The following DCDC1 variants were observed in gnomAD, a reference collection of about 807,000 sequenced individuals.
The protein encoded by DCDC1 is doublecortin domain-containing protein 1.
A neutral mutation model predicts 178.3 loss-of-function variants in DCDC1; 200 were observed. The observed-to-expected ratio is 1.12, with a 90% CI of 1.00 to 1.26. DCDC1 has a LOEUF of 1.26. Ranked by LOEUF, DCDC1 falls within the 50% of genes most tolerant of loss-of-function variation. DCDC1 has a pLI of 0.00. For synonymous variants in DCDC1, 690 were observed against 604.8 expected, an observed-to-expected ratio of 1.14 and a Z score of -2.07; for missense variants, 1,983 against 1,749.2, an observed-to-expected ratio of 1.13 and a Z score of -2.38.
At position 31,008,723 on chromosome 11, in the gene DCDC1, A is replaced by G. The variant is rs144313379; in HGVS notation, c.2591+55746T>C. On this transcript the variant is annotated intron_variant, in intron 20 of 38. Transcript: ENST00000684477. ...GAAAACTGGGATGCTTGCAAACGGAAAGCAATGAGTTGCACTGCAGCCATC... is the reference window on the plus strand; with the variant it reads ...GAAAACTGGGATGCTTGCAAACGGAGAGCAATGAGTTGCACTGCAGCCATC... 4.0e-3 allele frequency among the ~76,000 whole-genome samples: 603 copies of G among 152,334 alleles called. 1 individual carries two copies. The highest frequency in any genetic ancestry group is 0.014 in the African/African-American group (581 of 41,568).
chr11:31,126,872 A>C (rs371367789), intron 11 of DCDC1, among the ~76,000 whole-genome samples: 1 of 152,212 alleles, frequency 6.6e-6, no homozygotes, highest in East Asian at 1.9e-4. Context: ...GTTGTTCTTT[A>C]TCTCTCTCAA....
chr11:31,308,925 C>T (rs937131203), intron 3 of DCDC1, among the ~76,000 whole-genome samples: 8 of 151,246 alleles, frequency 5.3e-5, no homozygotes, highest in Admixed American at 2.0e-4. Context: ...TAATATAACC[C>T]CCCCAAACAC....
chr11:31,244,112 A>G (rs931090175), intron 8 of DCDC1, among the ~76,000 whole-genome samples: 17 of 151,798 alleles, frequency 1.1e-4, no homozygotes, highest in Admixed American at 9.9e-4. Context: ...TGATGTATAA[A>G]TCAGCCTACG....
chr11:30,891,263 C>T (rs1943747714), intron 36 of DCDC1, among the ~76,000 whole-genome samples: 2 of 152,108 alleles, frequency 1.3e-5, no homozygotes, highest in South Asian at 2.1e-4. Flanking sequence ...AAATAATTTA[C>T]AGCATCTAGA....
chr11:30,873,320 T>G, intron 38 of DCDC1, among the ~76,000 whole-genome samples: 1 of 146,986 alleles, frequency 6.8e-6, no homozygotes, highest in East Asian at 2.0e-4. Context: ...AATGTATAAA[T>G]ATATAAAAAT....
intron 6 of DCDC1, among the ~76,000 whole-genome samples, chr11:31,303,925 G>T (rs1197075681): frequency 1.3e-5 from 2 of 152,110 alleles, no homozygotes; most frequent in African/African-American, 2.4e-5. Flanking sequence ...ATTTTGGTGG[G>T]TTAAGCTTGC....
intron 20 of DCDC1, among the ~76,000 whole-genome samples, chr11:30,995,944 G>A (rs146615125): frequency 2.0e-5 from 3 of 152,152 alleles, no homozygotes; most frequent in South Asian, 4.1e-4. Flanking sequence ...AATTAAAAAC[G>A]TTTGCTCTGT....
intron 20 of DCDC1, among the ~76,000 whole-genome samples, chr11:31,009,666 T>C (rs1301025400): frequency 6.6e-6 from 1 of 152,032 alleles, no homozygotes; most frequent in African/African-American, 2.4e-5. Flanking sequence ...CAAATTCCCC[T>C]CTCCTCTGCT....
In DCDC1 at chr11:31,142,064, T is replaced by C. The variant is rs372621966; in HGVS notation, c.1222-4280A>G. ...TCAGGGACTGGGAGAGAGTCCTTTG[T>C]TTCTAGCCATTGCTGGCTGCCATTT... is the stretch of plus-strand genomic sequence containing the variant. On this transcript the variant is annotated intron_variant, in intron 9 of 38. Coordinates refer to ENST00000684477, the MANE Select transcript of DCDC1 (RefSeq NM_001387274.1). Among the ~76,000 whole-genome samples, 3 of 152,188 alleles carry C rather than the reference T, an allele frequency of 2.0e-5. No individual in the cohort carries two copies. The South Asian group carries it at 6.2e-4, about 32-fold the overall frequency.
At chr11:31,235,698 C>A (rs1420092017) in intron 9 of DCDC1, among the ~76,000 whole-genome samples, 3 of 151,914 alleles carry the variant, frequency 2.0e-5, no homozygotes, top group African/African-American at 7.2e-5. Context: ...AAATGGAATT[C>A]ACTTTTCATC....
chr11:31,007,087 T>C (rs1951889055), intron 20 of DCDC1, among the ~76,000 whole-genome samples: 1 of 152,220 alleles, frequency 6.6e-6, no homozygotes, highest in Non-Finnish European at 1.5e-5. Flanking sequence ...CTGGAGTCCA[T>C]AATATTTAAA....
chr11:31,051,837 A>C (rs1461618769), intron 20 of DCDC1, among the ~76,000 whole-genome samples: 1 of 152,204 alleles, frequency 6.6e-6, no homozygotes, highest in East Asian at 1.9e-4. Flanking sequence ...CTAAATCTTG[A>C]AACAAATCCT....
In DCDC1 at chr11:31,289,922, C is replaced by T. The variant is rs891905441; in HGVS notation, c.960+725G>A. On this transcript the variant is annotated intron_variant, in intron 7 of 38. Transcript: ENST00000684477. ...TATGTTTTACTGTCTCTCATACATT[C>T]TTAACACATTTGTTACTATATTATT... Among the ~76,000 whole-genome samples, 5 of 152,060 alleles carry T rather than the reference C, an allele frequency of 3.3e-5. No individual in the cohort carries two copies. The South Asian group carries it at 1.0e-3, about 32-fold the overall frequency.
intron 9 of DCDC1, chr11:31,155,789 C>T (rs1022949124): frequency 3.3e-5 from 5 of 152,254 alleles, no homozygotes; most frequent in African/African-American, 4.8e-5. Context: ...GAGGTGACCA[C>T]GTCAAGGTGG....
chr11:31,287,570 C>A (rs1184564450), intron 7 of DCDC1, among the ~76,000 whole-genome samples: 1 of 151,930 alleles, frequency 6.6e-6, no homozygotes, highest in East Asian at 1.9e-4. Flanking sequence ...ATGTTTTCAT[C>A]CTTTGTGTCA....
chr11:31,229,481 A>G (rs1975473529), intron 9 of DCDC1, among the ~76,000 whole-genome samples: 1 of 152,170 alleles, frequency 6.6e-6, no homozygotes, highest in Non-Finnish European at 1.5e-5. Context: ...GAATCAACGT[A>G]ATTCACTATA....
At chr11:31,149,942 C>T (rs746374045) in intron 9 of DCDC1, among the ~76,000 whole-genome samples, 9 of 152,188 alleles carry the variant, frequency 5.9e-5, no homozygotes, top group Admixed American at 3.3e-4. Flanking sequence ...GAATAAATTC[C>T]GGACACAGAA....
chr11:31,328,120 G>T lies in DCDC1; in HGVS notation c.161C>A (p.Pro54Gln). The part of the protein sequence containing the change: ...PIYKYILNDL[P>Q]REFMSSQAKA... ...GCTGCTGAAATAATGTTCTTACCTT[G>T]GTAAATCATTCAAAATATATTTGTA... The change falls in exon 3 of 39, where the codon CCA (proline) becomes CAA (glutamine). Residue 54 changes from proline (P) to glutamine (Q), a missense_variant. Physicochemically the swap from Pro to Gln is moderately conservative, Grantham distance 76. Coordinates refer to ENST00000684477, the MANE Select transcript of DCDC1 (RefSeq NM_001387274.1). The T allele has an allele frequency of 6.3e-7, 1 of 1,596,760 alleles. No homozygotes were observed. The highest frequency in any genetic ancestry group is 8.6e-7 in the Non-Finnish European group (1 of 1,168,460).
intron 20 of DCDC1, among the ~76,000 whole-genome samples, chr11:30,986,164 T>C (rs1382174623): frequency 1.3e-5 from 2 of 152,042 alleles, no homozygotes; most frequent in East Asian, 3.9e-4. Context: ...TCCCTGTGGT[T>C]GCTTCATGGT....
Sources: allele counts gnomAD v4.1 joint callset (sites outside exome capture counted in the v4.1 genomes callset), GRCh38; gene constraint gnomAD v4.1.1; transcripts MANE v1.5; gene names NCBI Gene and HGNC (gene_info 2026-07-23, HGNC 2026-07-21).